Variants in COL5A3 observed in about 807,000 individuals in gnomAD.
COL5A3 encodes collagen alpha-3(V) chain.
Under a neutral mutation model 250.0 loss-of-function variants are expected in COL5A3, and 172 were observed. That is an observed-to-expected ratio of 0.69 (90% CI 0.61 to 0.78). The LOEUF (loss-of-function observed/expected upper bound fraction) is 0.78, where lower values mean the gene tolerates loss of function less well. Ranked by LOEUF, COL5A3 falls within the 30% of genes least tolerant of loss-of-function variation. COL5A3 has a pLI of 0.00. For missense variants in COL5A3, 2,340 were observed against 2,334.4 expected, an observed-to-expected ratio of 1.00 and a Z score of -0.05; for synonymous variants, 937 against 900.4, an observed-to-expected ratio of 1.04 and a Z score of -0.73.
intron 60 of COL5A3, 30 bp from the exon 61 acceptor site, chr19:9,967,969 T>C (rs750522305): frequency 6.2e-7 from 1 of 1,607,748 alleles, no homozygotes; most frequent in South Asian, 1.1e-5. Flanking sequence ...AGAGCTGAGG[T>C]CCTGGCCTGG....
intron 8 of COL5A3, among the ~76,000 whole-genome samples, chr19:9,999,649 G>C (rs763281318): frequency 6.6e-6 from 1 of 151,492 alleles, no homozygotes. Flanking sequence ...GTATTTTTTA[G>C]TACAGACAGC....
intron 4 of COL5A3, 125 bp from the exon 5 acceptor site, chr19:10,004,270 G>C: frequency 1.5e-6 from 1 of 674,000 alleles, no homozygotes; most frequent in Non-Finnish European, 2.7e-6. Flanking sequence ...CCCACCCAGA[G>C]CATGCTAAGT....
rs2086843537 is a variant in COL5A3 at position 9,971,326 on chromosome 19, T to A, written c.3775-68A>T. 2.5e-6 allele frequency: 3 copies of A among 1,212,234 alleles called. No homozygotes were observed. The South Asian group carries it at 4.4e-5, about 18-fold the overall frequency. 75.1% of individuals were successfully genotyped at this position (1,212,234 alleles called of 1,614,324 possible). A position where few individuals can be genotyped will look rare whatever the true frequency, so the allele number is the denominator to read the frequency against. On this transcript the variant is annotated intron_variant, in intron 51 of 66. Transcript: ENST00000264828. ...AGCAATCATGCATTTATGGAACAGA[T>A]CAACTGTATCCAGGAACAGTTTGGT...
intron 24 of COL5A3, among the ~76,000 whole-genome samples, chr19:9,990,562 TA>T (rs1224108904): frequency 1.4e-5 from 2 of 139,720 alleles, no homozygotes. Flanking sequence ...AGATAATAAA[TA>T]AAATTAATTT....
chr19:9,988,338 T>C (rs1355331441), intron 27 of COL5A3, among the ~76,000 whole-genome samples: 1 of 152,224 alleles, frequency 6.6e-6, no homozygotes, highest in Non-Finnish European at 1.5e-5. Context: ...GTATAGCCAA[T>C]TCCTTGATTA....
chr19:9,979,528 G>A lies in COL5A3; in HGVS notation c.2713-111C>T, dbSNP rs559531279. On this transcript the variant is annotated intron_variant, in intron 37 of 66. Coordinates refer to ENST00000264828, the MANE Select transcript of COL5A3 (RefSeq NM_015719.4). ...GAATCTGGCCGGTCCGGTGGCTCAC[G>A]CCTGTAATCCCAGCACTTTGGGAGG... 4.8e-5 allele frequency: 56 copies of A among 1,172,756 alleles called. No individual in the cohort carries two copies. In the African/African-American group the frequency reaches 4.8e-4, roughly 10 times the overall value. 72.6% of individuals were successfully genotyped at this position (1,172,756 alleles called of 1,614,324 possible).
At position 9,996,616 on chromosome 19, in the gene COL5A3, G is replaced by A. The variant is rs200117825; in HGVS notation, c.1337C>T (p.Pro446Leu). The A allele has an allele frequency of 1.8e-5, 29 of 1,613,700 alleles. 1 individual carries two copies. The highest frequency in any genetic ancestry group is 1.6e-4 in the Middle Eastern group (1 of 6,078). Reference protein sequence around the residue: ...RGPPGTVIMMPFQFAGGSFKG... With the variant: ...RGPPGTVIMMLFQFAGGSFKG... ...TGGGCCACTCCATCTCCTTCTTACC[G>A]GCATCATGATCACAGTGCCCGGTGG... is the stretch of plus-strand genomic sequence containing the variant. Residue 446 changes from proline to leucine, a missense_variant and splice_region_variant, in exon 12 of 67, where the codon CCG becomes CTG. Pro to Leu is a moderately conservative substitution (Grantham distance 98, BLOSUM62 -3). Around this residue, in one of 3 missense-constraint regions of COL5A3, gnomAD observed 1,152 missense variants for 1,146.3 expected, o/e 1.00. Transcript: ENST00000264828.
rs765576754 is a variant in COL5A3 at position 9,977,431 on chromosome 19, G to A, written c.3168C>T (p.Ile1056=). The A allele has an allele frequency of 3.9e-6, 6 of 1,525,258 alleles. No individual in the cohort carries two copies. Among genetic ancestry groups the A allele is most frequent in the Admixed American group, 4.4e-5 (2 of 44,950 alleles). The allele number at this position is 1,525,258 out of a possible 1,614,324, so 94.5% of individuals were successfully genotyped here. A position where few individuals can be genotyped will look rare whatever the true frequency, so the allele number is the denominator to read the frequency against. ...GPPGPTGKDG[I]PGPLGPLGPP... ...GTCCCAGAGGCCCCAGGGGCCCTGG[G>A]ATCCCATCTTTGCCAGTGGGGCCAG... The change falls in exon 43 of 67, where the codon ATC becomes ATT. Residue 1056 remains isoleucine (I), a synonymous_variant. Coordinates refer to ENST00000264828, the MANE Select transcript of COL5A3 (RefSeq NM_015719.4).
intron 62 of COL5A3, 139 bp from the exon 63 acceptor site, chr19:9,966,885 G>C: frequency 1.5e-6 from 1 of 673,926 alleles, no homozygotes; most frequent in Non-Finnish European, 2.5e-6. Flanking sequence ...AAGGGGCAGA[G>C]ATAGAGAAAG....
At position 9,970,637 on chromosome 19, in the gene COL5A3, C is replaced by T; in HGVS notation, c.3921G>A (p.Gly1307=). The T allele has an allele frequency of 6.9e-7, 1 of 1,451,584 alleles. No individual in the cohort carries two copies. Among genetic ancestry groups the T allele is most frequent in the South Asian group, 1.5e-5 (1 of 64,528 alleles). The allele number at this position is 1,451,584 out of a possible 1,614,324, so 89.9% of individuals were successfully genotyped here. ...TATCACTTACCCTCTTGCCGGGGGG[C>T]CCGGGGGCGCCGGGCTCCCCAGAAG... The part of the protein sequence containing the change: ...PGASGEPGAP[G]PPGKRGPSGH... The change falls in exon 54 of 67, where the codon GGG becomes GGA. Residue 1307 remains glycine, a synonymous_variant. Coordinates refer to ENST00000264828, the MANE Select transcript of COL5A3 (RefSeq NM_015719.4).
chr19:9,982,010 T>C, intron 32 of COL5A3, 55 bp downstream of exon 32: 1 of 1,362,978 alleles, frequency 7.3e-7, no homozygotes, highest in Non-Finnish European at 1.0e-6. Context: ...CAACCACACA[T>C]GCTGTTCCCC....
chr19:9,980,003 C>T lies in COL5A3; in HGVS notation c.2649G>A (p.Lys883=). 6.3e-7 allele frequency: 1 copy of T among 1,587,254 alleles called. No homozygotes were observed. The highest frequency in any genetic ancestry group is 8.5e-7 in the Non-Finnish European group (1 of 1,173,046). Residue 883 remains lysine (K), a synonymous_variant, in exon 36 of 67, where the codon AAG becomes AAA. Transcript: ENST00000264828. Reference sequence around the variant, plus strand: ...GGGTGACCTCACTCACAGGGGGGCCCTTTGGCCCAGGGAATCCTGGAGGGC... The same window carrying T: ...GGGTGACCTCACTCACAGGGGGGCCTTTTGGCCCAGGGAATCCTGGAGGGC... ...LQGPPGFPGP[K]GPPGHQGKDG...
rs753612126 is a variant in COL5A3, at chr19:9,969,557, C to A, written c.4098+18G>T. The A allele has an allele frequency of 2.5e-6, 4 of 1,609,204 alleles. No homozygotes were observed. Among genetic ancestry groups the A allele is most frequent in the South Asian group, 1.1e-5 (1 of 90,806 alleles). ...GAGCTGGATCCACCCTGTCCCACCC[C>A]TGCCCCGCTCCACTCACCACAGGGC... is the stretch of plus-strand genomic sequence containing the variant. On this transcript the variant is annotated intron_variant, in intron 56 of 66. Coordinates refer to ENST00000264828, the MANE Select transcript of COL5A3 (RefSeq NM_015719.4).
At chr19:9,967,998 T>C (rs747852601) in intron 60 of COL5A3, 28 bp downstream of exon 60, 2 of 1,596,034 alleles carry the variant, frequency 1.3e-6, no homozygotes, top group South Asian at 2.3e-5. Flanking sequence ...AGTGACCTCA[T>C]CCCACAAAAG....
chr19:10,010,288 C>T lies in COL5A3; in HGVS notation c.88+10G>A. The T allele has an allele frequency of 7.0e-7, 1 of 1,434,440 alleles. No homozygotes were observed. The allele number at this position is 1,434,440 out of a possible 1,614,324, so 88.9% of individuals were successfully genotyped here. ...GGACCCTGGGTCCCATCTCTTCCCTCCCGGCTCACCGGCCTGCGTCCCCGG... is the reference window on the plus strand; with the variant it reads ...GGACCCTGGGTCCCATCTCTTCCCTTCCGGCTCACCGGCCTGCGTCCCCGG... On this transcript the variant is annotated intron_variant, in intron 1 of 66. Transcript: ENST00000264828.
chr19:9,972,044 C>G (rs943815144), intron 51 of COL5A3, among the ~76,000 whole-genome samples: 1 of 152,198 alleles, frequency 6.6e-6, no homozygotes, highest in South Asian at 2.1e-4. Flanking sequence ...TGTTCACTTG[C>G]GCCTCTGTCC....
chr19:9,973,694 C>G lies in COL5A3; in HGVS notation c.3612+62G>C, dbSNP rs1011574616. On this transcript the variant is annotated intron_variant, in intron 49 of 66. Transcript: ENST00000264828. ...ACAGGGAGGGGCTCCCCAGAATGTC[C>G]CTGCCCAATAGGACTAGATTTATCT... is the stretch of plus-strand genomic sequence containing the variant. 1.1e-5 allele frequency: 18 copies of G among 1,612,032 alleles called. No homozygotes were observed. In the East Asian group the frequency reaches 3.8e-4, roughly 34 times the overall value.
At chr19:9,980,085 G>A in intron 35 of COL5A3, 38 bp from the exon 36 acceptor site, 1 of 1,560,278 alleles carries the variant, frequency 6.4e-7, no homozygotes, top group Non-Finnish European at 8.7e-7. Flanking sequence ...CATCCCCCCT[G>A]CCTCCCTGCC....
chr19:10,002,821 G>T (rs1272961199), intron 6 of COL5A3, among the ~76,000 whole-genome samples: 3 of 151,846 alleles, frequency 2.0e-5, no homozygotes, highest in African/African-American at 7.3e-5. Flanking sequence ...TTCCCTCAGG[G>T]ACTCCCAAAC....
Sources: allele counts gnomAD v4.1 joint callset (sites outside exome capture counted in the v4.1 genomes callset), GRCh38; gene constraint gnomAD v4.1.1; regional missense constraint gnomAD v4.1.1; transcripts MANE v1.5; gene names NCBI Gene and HGNC (gene_info 2026-07-23, HGNC 2026-07-21).